Variants in PPP1R1C observed in about 807,000 individuals in gnomAD.
The protein encoded by PPP1R1C is protein phosphatase 1 regulatory subunit 1C.
In PPP1R1C, 15 loss-of-function variants were observed where a neutral mutation model predicts 17.4. The observed-to-expected ratio is 0.86, with a 90% CI of 0.58 to 1.33. PPP1R1C has a LOEUF of 1.33. Ranked by LOEUF, PPP1R1C falls within the 40% of genes most tolerant of loss-of-function variation. The pLI is 0.00. For synonymous variants in PPP1R1C, 35 were observed against 43.1 expected (o/e 0.81, Z 0.73); for missense variants, 143 against 130.0 (o/e 1.10, Z -0.48).
intron 4 of PPP1R1C, among the ~76,000 whole-genome samples, chr2:182,088,929 C>G (rs1361313886): frequency 6.6e-6 from 1 of 152,184 alleles, no homozygotes; most frequent in East Asian, 1.9e-4. Flanking sequence ...TTTACTCTAT[C>G]TTAATAAAAT....
At chr2:181,993,991 T>C (rs1364693180) in intron 2 of PPP1R1C, among the ~76,000 whole-genome samples, 1 of 150,484 alleles carries the variant, frequency 6.6e-6, no homozygotes, top group Non-Finnish European at 1.5e-5. Flanking sequence ...CAAATAGTTT[T>C]CCCAAAAAAC....
rs1685086923 is a variant in PPP1R1C at position 181,976,064 on chromosome 2, A to C, written n.157+800A>C. ...CTCTTAATTTTTTATTAAAAAATTCAAATGTGCTCATTGTATAACATAGAA... is the reference window on the plus strand; with the variant it reads ...CTCTTAATTTTTTATTAAAAAATTCCAATGTGCTCATTGTATAACATAGAA... On this transcript the variant is annotated intron_variant and non_coding_transcript_variant, in intron 2 of 5. Transcript: ENST00000464264. The surrounding 1 kb of genome is among the most constrained non-coding windows in gnomAD (Gnocchi z 4.8). Among the ~76,000 whole-genome samples the C allele has an allele frequency of 6.6e-6, 1 of 152,136 alleles. No homozygotes were observed. The highest frequency in any genetic ancestry group is 6.5e-5 in the Admixed American group (1 of 15,276).
intron 2 of PPP1R1C, among the ~76,000 whole-genome samples, chr2:182,055,463 C>T (rs570931592): frequency 6.6e-6 from 1 of 152,236 alleles, no homozygotes; most frequent in Admixed American, 6.5e-5. Flanking sequence ...TGTTCTAAGA[C>T]TCCTTTTTTC....
chr2:182,100,616 T>A (rs936800514), intron 4 of PPP1R1C, among the ~76,000 whole-genome samples: 1 of 151,944 alleles, frequency 6.6e-6, no homozygotes, highest in East Asian at 1.9e-4. Flanking sequence ...GAAAGATTAC[T>A]TGGTCACTTC....
At position 181,961,814 on chromosome 2, in the gene PPP1R1C, C is replaced by T. The variant is rs1396474939; in HGVS notation, n.111+7180C>T. 3.3e-6 allele frequency: 4 copies of T among 1,206,278 alleles called. No individual in the cohort carries two copies. Among genetic ancestry groups the T allele is most frequent in the Middle Eastern group, 2.4e-4 (1 of 4,124 alleles). 74.7% of individuals were successfully genotyped at this position (1,206,278 alleles called of 1,614,324 possible). ...GAGCTGGCAATCTGGGCTTGTAGGC[C>T]TTTTACTTCCTCTTCGTGGTTCTTC... is the stretch of plus-strand genomic sequence containing the variant. On this transcript the variant is annotated intron_variant and non_coding_transcript_variant, in intron 1 of 5. Transcript: ENST00000464264. The surrounding 1 kb of genome is among the most constrained non-coding windows in gnomAD (Gnocchi z 5.8).
rs1165789924 is a variant in PPP1R1C, at chr2:182,076,197, C to CTTTTTTTTTTTTTTTTTTTTT, written c.241+12427_241+12447dup. ...GATTTTGAACTTTTTTTTTTCTTTT[C>CTTTTTTTTTTTTTTTTTTTTT]TTTTTTTTTTTTTTTTTTTTTTTTT... On this transcript the variant is annotated intron_variant, in intron 4 of 4. Transcript: ENST00000682840. 3.4e-3 allele frequency among the ~76,000 whole-genome samples: 87 copies of CTTTTTTTTTTTTTTTTTTTTT among 25,862 alleles called. 32 individuals carry two copies. The highest frequency in any genetic ancestry group is 0.056 in the Middle Eastern group (1 of 18). 17.0% of individuals were successfully genotyped at this position (25,862 alleles called of 152,430 possible).
chr2:182,097,241 C>T (rs1220408862), intron 4 of PPP1R1C, among the ~76,000 whole-genome samples: 1 of 152,162 alleles, frequency 6.6e-6, no homozygotes, highest in Middle Eastern at 3.2e-3. Context: ...TAAATGTTCA[C>T]TAACTAGTCC....
intron 4 of PPP1R1C, among the ~76,000 whole-genome samples, chr2:182,104,859 G>A (rs4666809): frequency 0.034 from 5,134 of 152,206 alleles, 249 homozygotes; most frequent in Admixed American, 0.13. Flanking sequence ...AATGTTTGGC[G>A]GAATTCAGCC....
rs1559079296 is a variant in PPP1R1C, at chr2:182,066,968, T to TTTG, written c.241+3178_241+3179insTGT. Among the ~76,000 whole-genome samples the TTTG allele has an allele frequency of 7.2e-3, 1,041 of 144,818 alleles. 7 individuals are homozygous for TTTG. Among genetic ancestry groups the TTTG allele is most frequent in the African/African-American group, 9.5e-3 (378 of 39,760 alleles). Reference sequence around the variant, plus strand: ...TGTGTGTGTCTGTGTGTGTGTGTGTTTGTGTGTGTGTGTGTGTGTGTGTGT... The same window carrying TTTG: ...TGTGTGTGTCTGTGTGTGTGTGTGTTTTGTGTGTGTGTGTGTGTGTGTGTGTGT... On this transcript the variant is annotated intron_variant, in intron 4 of 4. Transcript: ENST00000682840.
chr2:182,042,189 T>C (rs1687206357), intron 2 of PPP1R1C, among the ~76,000 whole-genome samples: 1 of 152,230 alleles, frequency 6.6e-6, no homozygotes, highest in South Asian at 2.1e-4. Flanking sequence ...TCTACTTATT[T>C]GGTAAAATTT....
intron 4 of PPP1R1C, among the ~76,000 whole-genome samples, chr2:182,083,796 A>G (rs750280464): frequency 4.6e-5 from 7 of 152,158 alleles, no homozygotes; most frequent in Non-Finnish European, 1.0e-4. Flanking sequence ...TGAGATTGCT[A>G]GATCAAATGA....
chr2:182,005,664 A>G (rs1004795711), intron 2 of PPP1R1C, among the ~76,000 whole-genome samples: 5 of 152,212 alleles, frequency 3.3e-5, no homozygotes, highest in Non-Finnish European at 7.3e-5. Context: ...TGTTATTTAT[A>G]CAATTATTTT....
intron 2 of PPP1R1C, among the ~76,000 whole-genome samples, chr2:181,999,553 T>A (rs1401313182): frequency 1.3e-5 from 2 of 152,180 alleles, no homozygotes; most frequent in Non-Finnish European, 2.9e-5. Flanking sequence ...CTATTTTATT[T>A]GTCTTTTTCA....
intron 2 of PPP1R1C, among the ~76,000 whole-genome samples, chr2:182,051,908 G>A (rs6743643): frequency 0.31 from 47,548 of 151,884 alleles, 7,671 homozygotes; most frequent in Middle Eastern, 0.4. Flanking sequence ...GGCTGAGGCA[G>A]GAGAATTGCT....
intron 1 of PPP1R1C, 76 bp from the exon 2 acceptor site, chr2:181,987,763 A>T (rs529196110): frequency 1.4e-6 from 2 of 1,470,288 alleles, no homozygotes; most frequent in Non-Finnish European, 1.9e-6. Flanking sequence ...AGGGTGAGAC[A>T]GCTTTGCAAG....
chr2:182,110,768 C>T (rs1559097165), intron 4 of PPP1R1C, among the ~76,000 whole-genome samples: 1 of 152,114 alleles, frequency 6.6e-6, no homozygotes, highest in South Asian at 2.1e-4. Flanking sequence ...CTATTGTGTT[C>T]AATCAATTGC....
rs34176742 is a variant in PPP1R1C, at chr2:182,079,537, A to G, written c.241+15746A>G. Among the ~76,000 whole-genome samples the G allele has an allele frequency of 6.8e-3, 1,032 of 152,282 alleles. 5 individuals carry two copies. The highest frequency in any genetic ancestry group is 0.012 in the Non-Finnish European group (813 of 68,022). ...AATTCTAGTTCCATTTAACTGTCTG[A>G]CCTTGAGAGAGTGGGTTGGATGCCT... On this transcript the variant is annotated intron_variant, in intron 4 of 4. Coordinates refer to ENST00000682840, the MANE Select transcript of PPP1R1C (RefSeq NM_001080545.3).
chr2:182,003,577 G>A (rs1685833277), intron 2 of PPP1R1C, among the ~76,000 whole-genome samples: 1 of 152,006 alleles, frequency 6.6e-6, no homozygotes, highest in Admixed American at 6.6e-5. Flanking sequence ...CAGTTAGGTA[G>A]CAGTTTATAT....
At chr2:182,006,851 G>T (rs2125152716) in intron 2 of PPP1R1C, among the ~76,000 whole-genome samples, 1 of 152,248 alleles carries the variant, frequency 6.6e-6, no homozygotes, top group Non-Finnish European at 1.5e-5. Flanking sequence ...GATTTCAACT[G>T]GTTAATCTGC....
Sources: gnomAD v4.1 joint callset for allele counts (sites outside exome capture counted in the v4.1 genomes callset) on GRCh38, gnomAD v4.1.1 for gene constraint, Gnocchi (gnomAD v3.1) non-coding constraint, MANE v1.5 for transcripts, NCBI Gene and HGNC (gene_info 2026-07-23, HGNC 2026-07-21) for gene names.